Variants in NKAIN2 observed in about 807,000 individuals in gnomAD.
NKAIN2 encodes the protein sodium/potassium-transporting ATPase subunit beta-1-interacting protein 2.
In NKAIN2, 14 loss-of-function variants were observed where a neutral mutation model predicts 32.6. The observed-to-expected ratio is 0.43, with a 90% CI of 0.28 to 0.67. NKAIN2 has a LOEUF of 0.67. Ranked by LOEUF, NKAIN2 falls within the 30% of genes least tolerant of loss-of-function variation. The pLI, the probability that NKAIN2 is intolerant of heterozygous loss-of-function variation, is 0.17. For missense variants in NKAIN2, 198 were observed against 258.3 expected (o/e 0.77, Z 1.60); for synonymous variants, 80 against 87.2 (o/e 0.92, Z 0.46).
chr6:123,988,044 C>T (rs774363363), intron 1 of NKAIN2, among the ~76,000 whole-genome samples: 19 of 152,140 alleles, frequency 1.2e-4, no homozygotes, highest in Admixed American at 6.5e-5. Flanking sequence ...AATGAGAAGA[C>T]TATTACTGCC....
At chr6:124,276,725 A>T (rs1795052743) in intron 1 of NKAIN2, among the ~76,000 whole-genome samples, 1 of 152,178 alleles carries the variant, frequency 6.6e-6, no homozygotes. Flanking sequence ...GCTCAACAAT[A>T]TTATAAAGAC....
At chr6:124,346,573 C>A (rs1316200375) in intron 2 of NKAIN2, among the ~76,000 whole-genome samples, 2 of 152,044 alleles carry the variant, frequency 1.3e-5, no homozygotes, top group Non-Finnish European at 2.9e-5. Context: ...GAATTGATCC[C>A]TTTACCATTA....
At chr6:124,777,947 T>TCACACA (rs142387344) in intron 4 of NKAIN2, among the ~76,000 whole-genome samples, 110 of 146,952 alleles carry the variant, frequency 7.5e-4, no homozygotes, top group African/African-American at 9.7e-4. Context: ...GAAATCACAT[T>TCACACA]CACACACACA....
At chr6:124,349,348 G>A (rs1286955308) in intron 2 of NKAIN2, among the ~76,000 whole-genome samples, 1 of 152,142 alleles carries the variant, frequency 6.6e-6, no homozygotes, top group African/African-American at 2.4e-5. Flanking sequence ...CCAGTGCACA[G>A]GCCGGTTGGG....
At chr6:124,346,216 T>C (rs1798415689) in intron 2 of NKAIN2, among the ~76,000 whole-genome samples, 1 of 152,236 alleles carries the variant, frequency 6.6e-6, no homozygotes, top group Non-Finnish European at 1.5e-5. Context: ...TTATAATTTC[T>C]GTTCTTTTAC....
intron 2 of NKAIN2, among the ~76,000 whole-genome samples, chr6:124,301,273 G>A (rs1418894427): frequency 6.6e-6 from 1 of 152,214 alleles, no homozygotes; most frequent in African/African-American, 2.4e-5. Flanking sequence ...GTGCACAGAA[G>A]TAAAGAATTG....
intron 1 of NKAIN2, among the ~76,000 whole-genome samples, chr6:123,933,996 C>T (rs997215860): frequency 8.7e-5 from 13 of 150,258 alleles, no homozygotes; most frequent in Admixed American, 4.7e-4. Flanking sequence ...CCCATGAAGC[C>T]ACTACTGTTT....
At chr6:124,372,842 A>C (rs2114333781) in intron 3 of NKAIN2, among the ~76,000 whole-genome samples, 1 of 152,238 alleles carries the variant, frequency 6.6e-6, no homozygotes, top group African/African-American at 2.4e-5. Flanking sequence ...AATTTTTCTG[A>C]ACATTCTGGG....
chr6:123,918,111 A>G (rs991240934), intron 1 of NKAIN2, among the ~76,000 whole-genome samples: 3 of 152,198 alleles, frequency 2.0e-5, no homozygotes, highest in African/African-American at 7.2e-5. Context: ...TGTGGGATAT[A>G]TAATTGCATA....
chr6:124,352,732 CTA>C (rs1431627759), intron 2 of NKAIN2, among the ~76,000 whole-genome samples: 1 of 152,156 alleles, frequency 6.6e-6, no homozygotes, highest in Non-Finnish European at 1.5e-5. Flanking sequence ...CATGCGTTTT[CTA>C]TCTCTTGTAA....
At chr6:124,625,994 C>G (rs370361803) in intron 3 of NKAIN2, among the ~76,000 whole-genome samples, 2 of 151,398 alleles carry the variant, frequency 1.3e-5, no homozygotes, top group South Asian at 2.1e-4. Flanking sequence ...GCACAATATG[C>G]AGGTTTGTTA....
intron 3 of NKAIN2, among the ~76,000 whole-genome samples, chr6:124,422,507 A>C (rs1258709536): frequency 1.3e-5 from 2 of 152,184 alleles, no homozygotes; most frequent in Non-Finnish European, 2.9e-5. Flanking sequence ...CAGAAAGATT[A>C]GTATTTTTAT....
At chr6:123,975,326 A>G (rs186257077) in intron 1 of NKAIN2, among the ~76,000 whole-genome samples, 10 of 152,346 alleles carry the variant, frequency 6.6e-5, no homozygotes, top group East Asian at 1.9e-4. Context: ...AAAAAATTAT[A>G]GAATTATCTA....
chr6:124,664,980 GGATTT>G, intron 4 of NKAIN2, among the ~76,000 whole-genome samples: 1 of 151,828 alleles, frequency 6.6e-6, no homozygotes, highest in Non-Finnish European at 1.5e-5. Flanking sequence ...AAATTTCATT[GGATTT>G]ATTTAAAAGA....
chr6:124,429,856 G>A (rs1035725302), intron 3 of NKAIN2, among the ~76,000 whole-genome samples: 14 of 152,110 alleles, frequency 9.2e-5, no homozygotes, highest in African/African-American at 2.9e-4. Context: ...GAGTCTGGCA[G>A]GGTGATCAGT....
chr6:124,575,016 G>A (rs1293136030), intron 3 of NKAIN2, among the ~76,000 whole-genome samples: 1 of 152,122 alleles, frequency 6.6e-6, no homozygotes, highest in African/African-American at 2.4e-5. Context: ...TCTACCACAG[G>A]TTTATCTTAG....
At chr6:124,772,834 G>A (rs1449750436) in intron 4 of NKAIN2, among the ~76,000 whole-genome samples, 1 of 152,160 alleles carries the variant, frequency 6.6e-6, no homozygotes, top group African/African-American at 2.4e-5. Context: ...GATGGGAGAG[G>A]AGCAAAGGTT....
intron 1 of NKAIN2, among the ~76,000 whole-genome samples, chr6:123,924,202 C>G (rs1242118775): frequency 6.6e-6 from 1 of 152,160 alleles, no homozygotes; most frequent in Non-Finnish European, 1.5e-5. Flanking sequence ...CTTCTGAGGA[C>G]AGTCTGAAAG....
At chr6:124,771,678 C>T (rs1420105015) in intron 4 of NKAIN2, among the ~76,000 whole-genome samples, 1 of 152,112 alleles carries the variant, frequency 6.6e-6, no homozygotes, top group African/African-American at 2.4e-5. Flanking sequence ...TGAGTTATTT[C>T]TCTTTTTCTC....
Sources: gnomAD v4.1 joint callset for allele counts (sites outside exome capture counted in the v4.1 genomes callset) on GRCh38, gnomAD v4.1.1 for gene constraint, MANE v1.5 for transcripts, NCBI Gene and HGNC (gene_info 2026-07-23, HGNC 2026-07-21) for gene names.